Variants in DNAH5 observed in about 807,000 individuals in gnomAD.
DNAH5 encodes axonemal beta dynein heavy chain 5.
In DNAH5, 372 loss-of-function variants were observed where a neutral mutation model predicts 518.2. That is an observed-to-expected ratio of 0.72 (90% confidence interval 0.66 to 0.78). DNAH5 has a LOEUF of 0.78. DNAH5 is among the 30% of genes least tolerant of loss of function. DNAH5 has a pLI of 0.00. For missense variants in DNAH5, 5,523 were observed against 5,687.0 expected (o/e 0.97, Z 0.93); for synonymous variants, 2,039 against 2,025.9 (o/e 1.01, Z -0.17).
At chr5:13,862,906 G>T (rs937699188) in intron 28 of DNAH5, among the ~76,000 whole-genome samples, 159 bp from the exon 29 acceptor site, 4 of 150,478 alleles carry the variant, frequency 2.7e-5, no homozygotes, top group Admixed American at 6.6e-5. Flanking sequence ...ATAATAAACA[G>T]AAGGTGTATA....
Position 13,864,574 on chromosome 5 carries a change from A to G in DNAH5, c.4419T>C (p.Ile1473=). 1 of 1,614,118 alleles carries G rather than the reference A, an allele frequency of 6.2e-7. No homozygotes were observed. Among genetic ancestry groups the G allele is most frequent in the Non-Finnish European group, 8.5e-7 (1 of 1,180,012 alleles). ...GCGGGCAACACTCGCTGAAATCATC[A>G]ATGATCTTCTTCAGGTCCAAAAAAG... is the stretch of plus-strand genomic sequence containing the variant. ...WQAFLDLKKI[I]DDFSECCPLL... The change falls in exon 28 of 79, where the codon ATT becomes ATC. Residue 1473 remains isoleucine (I), a synonymous_variant. Coordinates refer to ENST00000265104, the MANE Select transcript of DNAH5 (RefSeq NM_001369.3).
At chr5:13,899,442 T>C (rs1467145462) in intron 15 of DNAH5, 1 of 152,310 alleles carries the variant, frequency 6.6e-6, no homozygotes, top group African/African-American at 2.4e-5. Flanking sequence ...TTCTGATAAC[T>C]CTCAGAAGCA....
At chr5:13,888,704 G>C (rs962779160) in intron 17 of DNAH5, among the ~76,000 whole-genome samples, 1 of 152,176 alleles carries the variant, frequency 6.6e-6, no homozygotes. Flanking sequence ...TGCATTGCTG[G>C]TGGCATTGTA....
At chr5:13,728,048 C>A (rs560288952) in intron 69 of DNAH5, among the ~76,000 whole-genome samples, 1 of 152,176 alleles carries the variant, frequency 6.6e-6, no homozygotes, top group African/African-American at 2.4e-5. Flanking sequence ...CTTATGTTTC[C>A]TCATTTCCCA....
chr5:13,868,067 T>C, intron 24 of DNAH5, 75 bp from the exon 25 acceptor site: 3 of 1,128,798 alleles, frequency 2.7e-6, no homozygotes, highest in Non-Finnish European at 2.6e-6. Context: ...TATTAAATGA[T>C]AAGAATGGAA....
upstream of DNAH5, among the ~76,000 whole-genome samples, chr5:13,945,873 G>A (rs1335220710): frequency 1.3e-5 from 2 of 152,134 alleles, no homozygotes; most frequent in African/African-American, 4.8e-5. Flanking sequence ...CAAAGTGCTG[G>A]GATTATACGC....
intron 49 of DNAH5, 76 bp downstream of exon 49, chr5:13,793,439 G>T: frequency 1.6e-6 from 2 of 1,251,336 alleles, no homozygotes; most frequent in Non-Finnish European, 2.3e-6. Context: ...TGTGGGTCTT[G>T]GGTGAAGATT....
At chr5:13,902,188 G>A (rs1257388882) in intron 12 of DNAH5, 50 bp from the exon 13 acceptor site, 3 of 1,346,870 alleles carry the variant, frequency 2.2e-6, no homozygotes, top group Admixed American at 3.5e-5. Flanking sequence ...GGAATTTACT[G>A]TTTAGCAACA....
chr5:13,959,551 G>C (rs1781010077), intron 1 of DNAH5, among the ~76,000 whole-genome samples: 1 of 152,190 alleles, frequency 6.6e-6, no homozygotes, highest in Non-Finnish European at 1.5e-5. Context: ...TGGGGTCCTT[G>C]AGAAAAGGAT....
chr5:13,793,829 AATT>A, intron 48 of DNAH5, 101 bp from the exon 49 acceptor site: 1 of 1,555,874 alleles, frequency 6.4e-7, no homozygotes, highest in South Asian at 1.2e-5. Context: ...GGAATTCAGA[AATT>A]ATATCTTGAA....
rs111956466 is a variant in DNAH5 at position 13,877,785 on chromosome 5, C to T, written c.3263-968G>A. Among the ~76,000 whole-genome samples, 651 of 152,312 alleles carry T rather than the reference C, an allele frequency of 4.3e-3. 6 individuals are homozygous for T. Among genetic ancestry groups the T allele is most frequent in the African/African-American group, 0.015 (625 of 41,568 alleles). On this transcript the variant is annotated intron_variant, in intron 21 of 78. Transcript: ENST00000265104. ...CCATAACTCTTAAGGTTCCCCATGG[C>T]TTGGCTCTTAATTCACCAATTCTGA... is the stretch of plus-strand genomic sequence containing the variant.
chr5:14,009,186 AG>A (rs1179829064), intron 1 of DNAH5, among the ~76,000 whole-genome samples: 1 of 152,248 alleles, frequency 6.6e-6, no homozygotes, highest in African/African-American at 2.4e-5. Context: ...AACAGAACAG[AG>A]GTATAAATAA....
chr5:13,735,078 C>A, intron 68 of DNAH5, 53 bp downstream of exon 68: 1 of 1,568,886 alleles, frequency 6.4e-7, no homozygotes, highest in Non-Finnish European at 8.8e-7. Flanking sequence ...AGGGCTTTCA[C>A]AATAACTCCT....
At chr5:13,730,513 C>T (rs1481080795) in intron 68 of DNAH5, among the ~76,000 whole-genome samples, 3 of 152,212 alleles carry the variant, frequency 2.0e-5, no homozygotes. Context: ...CGGTTCACTG[C>T]AAGCTCCGCC....
intron 48 of DNAH5, 63 bp from the exon 49 acceptor site, chr5:13,793,791 T>C: frequency 6.3e-7 from 1 of 1,581,016 alleles, no homozygotes; most frequent in Non-Finnish European, 8.7e-7. Context: ...CCTAACTCCT[T>C]GAGTGTTTCC....
chr5:13,943,765 T>C (rs928783523), intron 1 of DNAH5, among the ~76,000 whole-genome samples: 1 of 152,170 alleles, frequency 6.6e-6, no homozygotes, highest in African/African-American at 2.4e-5. Context: ...GTAGGAAGCA[T>C]GGGTTAATGG....
chr5:13,712,932 G>A (rs953941407), intron 75 of DNAH5, among the ~76,000 whole-genome samples: 14 of 151,886 alleles, frequency 9.2e-5, no homozygotes, highest in African/African-American at 2.9e-4. Context: ...TTAAAAAGTA[G>A]AACTACCATT....
chr5:13,856,799 T>C (rs965416163), intron 30 of DNAH5, among the ~76,000 whole-genome samples: 6 of 152,142 alleles, frequency 3.9e-5, no homozygotes, highest in Non-Finnish European at 8.8e-5. Flanking sequence ...AGGCCTTTGA[T>C]AAAATTGAAC....
intron 75 of DNAH5, among the ~76,000 whole-genome samples, chr5:13,713,690 G>A (rs1051112154): frequency 6.9e-6 from 1 of 144,870 alleles, no homozygotes; most frequent in African/African-American, 2.5e-5. Flanking sequence ...GACTTGGGGG[G>A]AAGAGTGTGA....
Sources: allele counts gnomAD v4.1 joint callset (sites outside exome capture counted in the v4.1 genomes callset), GRCh38; gene constraint gnomAD v4.1.1; transcripts MANE v1.5; gene names NCBI Gene and HGNC (gene_info 2026-07-23, HGNC 2026-07-21).